The following PKNOX2 variants were observed in gnomAD, a reference collection of about 807,000 sequenced individuals.
PKNOX2 encodes the protein homeobox protein PKNOX2.
In PKNOX2, 14 loss-of-function variants were observed where a neutral mutation model predicts 53.1. The ratio of observed to expected loss-of-function variants is 0.26; its 90% CI spans 0.17 to 0.41. The LOEUF is 0.41. PKNOX2 is among the 10% of genes least tolerant of loss of function. The pLI, the probability that PKNOX2 is intolerant of heterozygous loss-of-function variation, is 1.00. For missense variants in PKNOX2, 496 were observed against 602.8 expected, an observed-to-expected ratio of 0.82 and a Z score of 1.85; for synonymous variants, 257 against 242.8, an observed-to-expected ratio of 1.06 and a Z score of -0.54.
intron 2 of PKNOX2, among the ~76,000 whole-genome samples, chr11:125,292,188 G>T (rs1015543939): frequency 6.6e-6 from 1 of 152,150 alleles, no homozygotes; most frequent in South Asian, 2.1e-4. Context: ...TTTCTCCCCG[G>T]CTTAGGTCGT....
chr11:125,413,346 G>A (rs888238958), intron 10 of PKNOX2, among the ~76,000 whole-genome samples: 4 of 152,192 alleles, frequency 2.6e-5, no homozygotes, highest in African/African-American at 9.7e-5. Flanking sequence ...CAGGGGGAAC[G>A]CCCAGGTCTC....
chr11:125,332,562 A>C (rs1950203084), intron 3 of PKNOX2: 2 of 152,174 alleles, frequency 1.3e-5, no homozygotes, highest in Admixed American at 1.3e-4. Flanking sequence ...AAGTATCAAT[A>C]TAGGCAGGCA....
intron 1 of PKNOX2, among the ~76,000 whole-genome samples, chr11:125,224,476 CT>C (rs1417384180): frequency 1.3e-5 from 2 of 152,228 alleles, no homozygotes; most frequent in Admixed American, 1.3e-4. Flanking sequence ...AGCTGCCGGC[CT>C]TGCCTGGGAG....
chr11:125,349,727 A>G (rs1284151256), intron 3 of PKNOX2, among the ~76,000 whole-genome samples: 1 of 152,182 alleles, frequency 6.6e-6, no homozygotes, highest in Non-Finnish European at 1.5e-5. Flanking sequence ...TGAGTGAAAC[A>G]GGCCTTTCCA....
At chr11:125,205,740 A>G (rs1939015193) in intron 1 of PKNOX2, among the ~76,000 whole-genome samples, 1 of 152,086 alleles carries the variant, frequency 6.6e-6, no homozygotes, top group African/African-American at 2.4e-5. Flanking sequence ...GTTAAATTAA[A>G]TCACTGCACA....
chr11:125,293,622 TCC>T (rs1177079092), intron 2 of PKNOX2, among the ~76,000 whole-genome samples: 1 of 152,206 alleles, frequency 6.6e-6, no homozygotes, highest in Non-Finnish European at 1.5e-5. Flanking sequence ...CCAGAAGACA[TCC>T]CTGTTTGTCT....
At chr11:125,242,367 C>T (rs1180344146) in intron 2 of PKNOX2, among the ~76,000 whole-genome samples, 1 of 152,174 alleles carries the variant, frequency 6.6e-6, no homozygotes, top group African/African-American at 2.4e-5. Flanking sequence ...GCCCATCCAC[C>T]CATCCATCCT....
At chr11:125,336,771 C>T (rs1950453248) in intron 3 of PKNOX2, among the ~76,000 whole-genome samples, 3 of 145,780 alleles carry the variant, frequency 2.1e-5, no homozygotes, top group African/African-American at 5.0e-5. Flanking sequence ...TAATACTATA[C>T]ACTATATTAT....
intron 2 of PKNOX2, among the ~76,000 whole-genome samples, chr11:125,317,484 G>A (rs916194142): frequency 1.3e-5 from 2 of 152,142 alleles, no homozygotes; most frequent in East Asian, 3.8e-4. Flanking sequence ...TTGATCTGTG[G>A]GCTGCAGAAT....
intron 10 of PKNOX2, among the ~76,000 whole-genome samples, chr11:125,414,187 G>A (rs906669892): frequency 2.0e-5 from 3 of 152,136 alleles, no homozygotes; most frequent in Admixed American, 6.5e-5. Context: ...GGGAGGTGGA[G>A]AAGAGAGGAA....
At chr11:125,393,827 TC>T (rs1954227378) in intron 6 of PKNOX2, among the ~76,000 whole-genome samples, 1 of 151,026 alleles carries the variant, frequency 6.6e-6, no homozygotes, top group Non-Finnish European at 1.5e-5. Context: ...GTACTTGCTG[TC>T]ACTGAGCCAC....
intron 8 of PKNOX2, 51 bp from the exon 9 acceptor site, chr11:125,410,728 G>T (rs1429930440): frequency 7.1e-7 from 1 of 1,409,630 alleles, no homozygotes; most frequent in South Asian, 1.2e-5. Context: ...GCTTGCCCTC[G>T]CTCCTACCCA....
intron 7 of PKNOX2, among the ~76,000 whole-genome samples, chr11:125,407,990 G>A (rs1378790703): frequency 6.6e-6 from 1 of 152,098 alleles, no homozygotes; most frequent in Non-Finnish European, 1.5e-5. Flanking sequence ...CAGTGCCCAC[G>A]CTGCTTCTGG....
At chr11:125,192,488 T>TG (rs1429581434) in intron 1 of PKNOX2, among the ~76,000 whole-genome samples, 2 of 152,160 alleles carry the variant, frequency 1.3e-5, no homozygotes, top group Non-Finnish European at 2.9e-5. Context: ...AACCTGACGC[T>TG]GGGGGAGCCT....
At chr11:125,359,532 A>T (rs115728960) in intron 4 of PKNOX2, among the ~76,000 whole-genome samples, 2,349 of 152,094 alleles carry the variant, frequency 0.015, 70 homozygotes, top group African/African-American at 0.052. Context: ...AGCGCCCTGG[A>T]CTCTGTGCCC....
chr11:125,189,605 A>C (rs1162494744), intron 1 of PKNOX2, among the ~76,000 whole-genome samples: 2 of 150,944 alleles, frequency 1.3e-5, no homozygotes, highest in Admixed American at 6.6e-5. Flanking sequence ...TATCTGTGTA[A>C]TAATTTAGAT....
At chr11:125,242,879 G>A (rs976773732) in intron 2 of PKNOX2, among the ~76,000 whole-genome samples, 3 of 152,154 alleles carry the variant, frequency 2.0e-5, no homozygotes, top group Non-Finnish European at 4.4e-5. Flanking sequence ...TACACAGTAG[G>A]TGCTCAACAA....
At chr11:125,310,222 C>T (rs1176130874) in intron 2 of PKNOX2, among the ~76,000 whole-genome samples, 4 of 152,014 alleles carry the variant, frequency 2.6e-5, no homozygotes, top group Admixed American at 6.5e-5. Flanking sequence ...TTAGGCCGGG[C>T]GCGGTGGCTC....
rs948095443 is a variant in PKNOX2 at position 125,431,979 on chromosome 11, A to G, written c.*587A>G. The stretch of plus-strand genomic sequence containing the variant: ...AATGGGATGGAATCCACCAGGCTCC[A>G]GCTCATCCCTCCAAGGCCCTGTCTC... On this transcript the variant is annotated 3_prime_UTR_variant, in exon 13 of 13. Transcript: ENST00000298282. 1.9e-5 allele frequency: 3 copies of G among 154,078 alleles called. No individual in the cohort carries two copies. The highest frequency in any genetic ancestry group is 7.2e-5 in the African/African-American group (3 of 41,456). The allele number at this position is 154,078 out of a possible 1,614,324, so 9.5% of individuals were successfully genotyped here.
Sources: gnomAD v4.1 joint callset for allele counts (sites outside exome capture counted in the v4.1 genomes callset) on GRCh38, gnomAD v4.1.1 for gene constraint, MANE v1.5 for transcripts, NCBI Gene and HGNC (gene_info 2026-07-23, HGNC 2026-07-21) for gene names.